The following TAFA2 variants were observed in gnomAD, a reference collection of about 807,000 sequenced individuals.
The protein encoded by TAFA2 is chemokine-like protein TAFA-2.
A neutral mutation model predicts 18.8 loss-of-function variants in TAFA2; 7 were observed. The observed-to-expected ratio is 0.37, with a 90% CI of 0.21 to 0.70. TAFA2 has a LOEUF of 0.70. TAFA2 is among the 30% of genes least tolerant of loss of function. The pLI is 0.53. For missense variants in TAFA2, 122 were observed against 158.1 expected (o/e 0.77, Z 1.23); for synonymous variants, 60 against 54.2 (o/e 1.11, Z -0.47).
At chr12:61,985,331 C>T (rs1263559989) in intron 1 of TAFA2, among the ~76,000 whole-genome samples, 1 of 152,198 alleles carries the variant, frequency 6.6e-6, no homozygotes, top group Non-Finnish European at 1.5e-5. Context: ...TACTTTCGCT[C>T]ATGGGAGCCA....
chr12:62,044,885 G>C (rs1268055178), intron 1 of TAFA2, among the ~76,000 whole-genome samples: 1 of 152,130 alleles, frequency 6.6e-6, no homozygotes, highest in Non-Finnish European at 1.5e-5. Context: ...ATAAGACCCA[G>C]GATGATCAGG....
intron 1 of TAFA2, among the ~76,000 whole-genome samples, chr12:62,114,547 T>A (rs552233325): frequency 6.6e-6 from 1 of 152,372 alleles, no homozygotes; most frequent in Non-Finnish European, 1.5e-5. Flanking sequence ...TAATTGATGA[T>A]ATTTTATTTA....
chr12:62,109,705 G>T (rs964879811), intron 1 of TAFA2, among the ~76,000 whole-genome samples: 2 of 152,142 alleles, frequency 1.3e-5, no homozygotes, highest in African/African-American at 4.8e-5. Flanking sequence ...TCTCTTGTAA[G>T]TTGTACTCCT....
rs191320340 is a variant in TAFA2, at chr12:62,135,383, A to G, written c.-2+55876T>C. ...CAGTTCTGAAGGACTAGATAGTTCAATAAATTGCACAGAACTCCAGTGACA... is the reference window on the plus strand; with the variant it reads ...CAGTTCTGAAGGACTAGATAGTTCAGTAAATTGCACAGAACTCCAGTGACA... On this transcript the variant is annotated intron_variant, in intron 1 of 4. Coordinates refer to ENST00000416284, the MANE Select transcript of TAFA2 (RefSeq NM_178539.5). 3.0e-3 allele frequency among the ~76,000 whole-genome samples: 451 copies of G among 152,196 alleles called. 4 individuals are homozygous for G. Among genetic ancestry groups the G allele is most frequent in the African/African-American group, 9.8e-3 (408 of 41,548 alleles).
At chr12:61,757,568 T>C (rs1377533662) in intron 2 of TAFA2, among the ~76,000 whole-genome samples, 1 of 152,024 alleles carries the variant, frequency 6.6e-6, no homozygotes, top group Non-Finnish European at 1.5e-5. Context: ...ACAGATGGTA[T>C]GTAAAGCCAT....
chr12:62,098,730 G>T (rs1039932575), intron 1 of TAFA2, among the ~76,000 whole-genome samples: 5 of 152,026 alleles, frequency 3.3e-5, no homozygotes, highest in Non-Finnish European at 5.9e-5. Flanking sequence ...AAATCCTTAA[G>T]AATTATCTCT....
At chr12:61,971,229 A>G (rs940759153) in intron 1 of TAFA2, among the ~76,000 whole-genome samples, 2 of 151,742 alleles carry the variant, frequency 1.3e-5, no homozygotes, top group Non-Finnish European at 2.9e-5. Context: ...CTTGAAGGAT[A>G]AATAGAAATA....
chr12:62,023,884 GTCA>G (rs1446446123), intron 1 of TAFA2: 3 of 152,144 alleles, frequency 2.0e-5, no homozygotes, highest in African/African-American at 7.2e-5. Flanking sequence ...TCTTCTGCAC[GTCA>G]TCTTTATCCT....
intron 1 of TAFA2, among the ~76,000 whole-genome samples, chr12:61,952,483 T>G (rs2710789): frequency 0.33 from 49,978 of 151,964 alleles, 9,632 homozygotes; most frequent in Non-Finnish European, 0.43. Context: ...GTTAACTTAT[T>G]CTTTCCTCAA....
chr12:61,731,885 C>G (rs940031202), intron 4 of TAFA2, among the ~76,000 whole-genome samples: 24 of 152,150 alleles, frequency 1.6e-4, no homozygotes, highest in African/African-American at 5.3e-4. Flanking sequence ...TCTTCTATTT[C>G]TTCATTTAGC....
In TAFA2 at chr12:61,710,359, G is replaced by T. The variant is rs369212569; in HGVS notation, c.*47C>A. 7 of 1,585,754 alleles carry T rather than the reference G, an allele frequency of 4.4e-6. No homozygotes were observed. Among genetic ancestry groups the T allele is most frequent in the Admixed American group, 3.3e-5 (2 of 59,856 alleles). On this transcript the variant is annotated 3_prime_UTR_variant, in exon 5 of 5. Transcript: ENST00000416284. ...CAGGAGTTGAGTTAAGTTTCTATGC[G>T]CATGTTCAATGTCATCAGCCTTGAG...
intron 4 of TAFA2, among the ~76,000 whole-genome samples, chr12:61,731,114 C>T (rs1870427266): frequency 6.6e-6 from 1 of 152,062 alleles, no homozygotes; most frequent in Admixed American, 6.6e-5. Context: ...GGGTTCTTCC[C>T]ACTGCTTCTT....
intron 4 of TAFA2, among the ~76,000 whole-genome samples, chr12:61,727,078 A>C (rs1211798449): frequency 6.6e-6 from 1 of 151,986 alleles, no homozygotes; most frequent in Non-Finnish European, 1.5e-5. Context: ...GGTATGAAGC[A>C]CACTTGATCA....
chr12:62,039,756 C>T (rs1881708943), intron 1 of TAFA2, among the ~76,000 whole-genome samples: 1 of 152,156 alleles, frequency 6.6e-6, no homozygotes, highest in Non-Finnish European at 1.5e-5. Context: ...ACAAGCTCCA[C>T]CATTGTCACC....
chr12:61,887,108 T>A (rs754862727), intron 1 of TAFA2, among the ~76,000 whole-genome samples: 36 of 152,194 alleles, frequency 2.4e-4, no homozygotes, highest in Non-Finnish European at 3.8e-4. Flanking sequence ...GGCTGCCATA[T>A]CTAAAAAATA....
intron 2 of TAFA2, among the ~76,000 whole-genome samples, chr12:61,846,064 T>C (rs1302974446): frequency 6.6e-6 from 1 of 152,146 alleles, no homozygotes; most frequent in Non-Finnish European, 1.5e-5. Context: ...AAAAATACTA[T>C]ATTTTGAGCC....
intron 1 of TAFA2, among the ~76,000 whole-genome samples, chr12:61,921,209 A>G (rs558885086): frequency 6.6e-6 from 1 of 152,218 alleles, no homozygotes; most frequent in Non-Finnish European, 1.5e-5. Context: ...TTAATTAATC[A>G]TCCTGCCAGG....
At chr12:61,919,534 T>C (rs1345524651) in intron 1 of TAFA2, among the ~76,000 whole-genome samples, 1 of 152,212 alleles carries the variant, frequency 6.6e-6, no homozygotes, top group Non-Finnish European at 1.5e-5. Context: ...GTTCCATGTC[T>C]ATATCCAGAG....
intron 4 of TAFA2, among the ~76,000 whole-genome samples, chr12:61,730,114 T>C (rs1038319607): frequency 7.8e-4 from 119 of 152,154 alleles, no homozygotes; most frequent in Non-Finnish European, 2.8e-4. Context: ...CAGCACCTGC[T>C]GTGGTGGATG....
Sources: gnomAD v4.1 joint callset for allele counts (sites outside exome capture counted in the v4.1 genomes callset) on GRCh38, gnomAD v4.1.1 for gene constraint, MANE v1.5 for transcripts, NCBI Gene and HGNC (gene_info 2026-07-23, HGNC 2026-07-21) for gene names.